The following SBF2 variants were observed in gnomAD, a reference collection of about 807,000 sequenced individuals.
SBF2 encodes the protein SET binding factor 2, also known as myotubularin-related protein 13.
Under a neutral mutation model 225.2 loss-of-function variants are expected in SBF2, and 112 were observed. The ratio of observed to expected loss-of-function variants is 0.50; its 90% CI spans 0.43 to 0.58. The LOEUF (loss-of-function observed/expected upper bound fraction) is 0.58. Ranked by LOEUF, SBF2 falls within the 20% of genes least tolerant of loss-of-function variation. The probability of loss-of-function intolerance (pLI) is 0.00; values close to 1 mark genes in which losing one functional copy is unlikely to be tolerated. For synonymous variants in SBF2, 763 were observed against 773.3 expected (o/e 0.99, Z 0.22); for missense variants, 1,996 against 2,206.2 (o/e 0.90, Z 1.91).
chr11:9,944,965 T>C (rs993224729), intron 16 of SBF2, among the ~76,000 whole-genome samples: 6 of 151,942 alleles, frequency 3.9e-5, no homozygotes, highest in Non-Finnish European at 4.4e-5. Flanking sequence ...ATTAGCCAAG[T>C]GTGGTGGCAC....
Position 9,853,548 on chromosome 11 carries a change from A to G in SBF2, c.2528T>C (p.Met843Thr), listed in dbSNP as rs1857111944. The change falls in exon 20 of 40, where the codon ATG (methionine) becomes ACG (threonine). Residue 843 changes from methionine to threonine, a missense_variant. Physicochemically the swap from Met to Thr is moderately conservative, Grantham distance 81. Coordinates refer to ENST00000256190, the MANE Select transcript of SBF2 (RefSeq NM_030962.4). ...ATCTGCAGAGTGATTACCTGGTATCATGCAATGAAGGCTCTTGATGTGATC... is the reference window on the plus strand; with the variant it reads ...ATCTGCAGAGTGATTACCTGGTATCGTGCAATGAAGGCTCTTGATGTGATC... Reference protein sequence around the residue: ...TQDHIKSLHCMIPGIVAMHIE... With the variant: ...TQDHIKSLHCTIPGIVAMHIE... The G allele has an allele frequency of 1.9e-6, 3 of 1,613,830 alleles. No homozygotes were observed. In the East Asian group the frequency reaches 6.7e-5, roughly 36 times the overall value.
intron 32 of SBF2, among the ~76,000 whole-genome samples, chr11:9,800,478 C>G (rs1427666818): frequency 6.6e-6 from 1 of 151,598 alleles, no homozygotes; most frequent in East Asian, 2.0e-4. Flanking sequence ...GCAGTCTCGG[C>G]TCACTGCAAG....
At chr11:9,966,883 T>C (rs1451116439) in intron 14 of SBF2, among the ~76,000 whole-genome samples, 2 of 152,286 alleles carry the variant, frequency 1.3e-5, no homozygotes, top group East Asian at 3.9e-4. Flanking sequence ...AATTACCATA[T>C]GACCCAGCAA....
At chr11:9,849,073 A>G (rs1856745129) in intron 22 of SBF2, among the ~76,000 whole-genome samples, 1 of 152,228 alleles carries the variant, frequency 6.6e-6, no homozygotes. Flanking sequence ...GTGGTTCTCA[A>G]TCACAATCAC....
rs780728498 is a variant in SBF2 at position 10,272,969 on chromosome 11, C to T, written c.55+21046G>A. 8.6e-5 allele frequency among the ~76,000 whole-genome samples: 13 copies of T among 151,474 alleles called. No individual in the cohort carries two copies. The South Asian group carries it at 2.5e-3, about 29-fold the overall frequency. On this transcript the variant is annotated intron_variant, in intron 1 of 39. Transcript: ENST00000256190. ...CCTGTAATCCTAGCTACTGTGGAGGCTGAGGCAGGACAATTACTTGAACCT... is the reference window on the plus strand; with the variant it reads ...CCTGTAATCCTAGCTACTGTGGAGGTTGAGGCAGGACAATTACTTGAACCT...
intron 19 of SBF2, among the ~76,000 whole-genome samples, chr11:9,853,978 T>C (rs748103531): frequency 2.4e-4 from 37 of 152,192 alleles, no homozygotes; most frequent in Non-Finnish European, 4.6e-4. Flanking sequence ...GGAATACCTT[T>C]AGTCACTCTC....
At chr11:10,286,637 T>A (rs1007998611) in intron 1 of SBF2, among the ~76,000 whole-genome samples, 5 of 152,194 alleles carry the variant, frequency 3.3e-5, no homozygotes, top group Non-Finnish European at 7.4e-5. Flanking sequence ...AGATTATAAG[T>A]GTGAGCCACG....
At chr11:10,159,954 G>C (rs1591094482) in intron 2 of SBF2, among the ~76,000 whole-genome samples, 1 of 151,884 alleles carries the variant, frequency 6.6e-6, no homozygotes, top group African/African-American at 2.4e-5. Context: ...TAAAACTCTG[G>C]TCTCCTGCAC....
At chr11:10,296,612 T>A (rs569364429), upstream of SBF2, among the ~76,000 whole-genome samples, 1 of 152,108 alleles carries the variant, frequency 6.6e-6, no homozygotes, top group Non-Finnish European at 1.5e-5. Context: ...GTATATACCA[T>A]ATTTTGTTTA....
Position 10,255,045 on chromosome 11 carries a change from AACTC to A in SBF2, c.55+38966_55+38969del, listed in dbSNP as rs1960749277. ...TATACATGGAATCTTAAAAAACTGAAACTCACAGAAGCAGAGGGTGAATGGTGGT... is the reference window on the plus strand; with the variant it reads ...TATACATGGAATCTTAAAAAACTGAAACAGAAGCAGAGGGTGAATGGTGGT... On this transcript the variant is annotated intron_variant, in intron 1 of 39. Coordinates refer to ENST00000256190, the MANE Select transcript of SBF2 (RefSeq NM_030962.4). Among the ~76,000 whole-genome samples the A allele has an allele frequency of 2.0e-5, 3 of 152,066 alleles. No homozygotes were observed. The South Asian group carries it at 6.2e-4, about 32-fold the overall frequency.
At chr11:9,860,316 G>A (rs1278395269) in intron 17 of SBF2, among the ~76,000 whole-genome samples, 1 of 145,866 alleles carries the variant, frequency 6.9e-6, no homozygotes, top group African/African-American at 2.6e-5. Context: ...AGGCTGGAGT[G>A]CAGTGGCATG....
intron 26 of SBF2, among the ~76,000 whole-genome samples, chr11:9,837,171 A>G (rs1049660319): frequency 5.3e-5 from 8 of 152,152 alleles, no homozygotes; most frequent in African/African-American, 1.9e-4. Flanking sequence ...ATTTCAGAGA[A>G]AAAGCTTTTA....
chr11:9,998,502 A>G lies in SBF2; in HGVS notation c.862-123T>C, dbSNP rs576716096. ...ATGTGGAAGAGACTCTTGTTTGTCC[A>G]TAGTAGTAGAATTCTGGGCTAACAA... On this transcript the variant is annotated intron_variant, in intron 8 of 39. Transcript: ENST00000256190. The G allele has an allele frequency of 1.9e-4, 118 of 631,826 alleles. No homozygotes were observed. The African/African-American group carries it at 2.0e-3, about 11-fold the overall frequency. The allele number at this position is 631,826 out of a possible 1,614,324, so 39.1% of individuals were successfully genotyped here. A position where few individuals can be genotyped will look rare whatever the true frequency, so the allele number is the denominator to read the frequency against.
intron 16 of SBF2, among the ~76,000 whole-genome samples, chr11:9,934,416 A>G (rs1864730741): frequency 6.6e-6 from 1 of 152,236 alleles, no homozygotes; most frequent in Non-Finnish European, 1.5e-5. Flanking sequence ...AAACTCTTCC[A>G]ATCAATAGAA....
At chr11:9,910,121 A>G (rs994627653) in intron 16 of SBF2, among the ~76,000 whole-genome samples, 2 of 152,184 alleles carry the variant, frequency 1.3e-5, no homozygotes, top group Non-Finnish European at 2.9e-5. Flanking sequence ...CGAGAAAAAG[A>G]CTAATAAATT....
intron 2 of SBF2, among the ~76,000 whole-genome samples, chr11:10,133,968 C>T (rs183891703): frequency 9.2e-5 from 14 of 152,336 alleles, no homozygotes; most frequent in Admixed American, 2.0e-4. Flanking sequence ...GAACATCTTA[C>T]GTAAAGCTTC....
At chr11:9,826,031 G>T (rs1013432849) in intron 28 of SBF2, among the ~76,000 whole-genome samples, 2 of 152,154 alleles carry the variant, frequency 1.3e-5, no homozygotes, top group African/African-American at 4.8e-5. Context: ...ATGTATGGAT[G>T]ACAAAAGGCT....
At chr11:10,226,378 G>T (rs181476567) in intron 1 of SBF2, among the ~76,000 whole-genome samples, 1 of 151,168 alleles carries the variant, frequency 6.6e-6, no homozygotes, top group African/African-American at 2.4e-5. Context: ...TGTGCACAAC[G>T]TGCAGGTTTG....
At chr11:10,048,296 T>G (rs913337922) in intron 2 of SBF2, among the ~76,000 whole-genome samples, 1 of 152,188 alleles carries the variant, frequency 6.6e-6, no homozygotes, top group Non-Finnish European at 1.5e-5. Context: ...CTTTTTATTC[T>G]AGAATAGCAG....
Sources: allele counts gnomAD v4.1 joint callset (sites outside exome capture counted in the v4.1 genomes callset), GRCh38; gene constraint gnomAD v4.1.1; transcripts MANE v1.5; gene names NCBI Gene and HGNC (gene_info 2026-07-23, HGNC 2026-07-21).